Variants in ACACB observed in about 807,000 individuals in gnomAD.
The protein encoded by ACACB is acetyl-CoA carboxylase beta.
In ACACB, 209 loss-of-function variants were observed where a neutral mutation model predicts 278.8. That is an observed-to-expected ratio of 0.75 (90% CI 0.67 to 0.84). ACACB has a LOEUF of 0.84. Ranked by LOEUF, ACACB falls within the 40% of genes least tolerant of loss-of-function variation. The probability of loss-of-function intolerance (pLI) is 0.00; values close to 1 mark genes in which losing one functional copy is unlikely to be tolerated. For synonymous variants in ACACB, 1,174 were observed against 1,285.6 expected (o/e 0.91, Z 1.86); for missense variants, 2,850 against 3,269.0 (o/e 0.87, Z 3.13).
rs745795046 is a variant in ACACB at position 109,264,405 on chromosome 12, G to T, written c.6942+19G>T. 1.1e-5 allele frequency: 17 copies of T among 1,612,544 alleles called. No individual in the cohort carries two copies. The highest frequency in any genetic ancestry group is 1.4e-5 in the Non-Finnish European group (17 of 1,179,154). On this transcript the variant is annotated intron_variant, in intron 50 of 52. Transcript: ENST00000338432. ...CATATCTGTGAGAGCCACAGCTGCC[G>T]TGTAGGGTGCAAAGAGCCCACCCTG...
intron 2 of ACACB, among the ~76,000 whole-genome samples, chr12:109,142,898 C>T (rs1280665306): frequency 6.6e-6 from 1 of 152,114 alleles, no homozygotes; most frequent in African/African-American, 2.4e-5. Context: ...GAAAATGAAA[C>T]CAAAATGTTG....
At chr12:109,226,704 A>T (rs1252977132) in intron 27 of ACACB, among the ~76,000 whole-genome samples, 1 of 151,172 alleles carries the variant, frequency 6.6e-6, no homozygotes, top group East Asian at 1.9e-4. Context: ...CATCTCAAAA[A>T]AAAAAAAAAA....
chr12:109,241,407 G>A (rs925329855), intron 36 of ACACB, 126 bp downstream of exon 36: 1 of 946,576 alleles, frequency 1.1e-6, no homozygotes, highest in African/African-American at 1.6e-5. Flanking sequence ...ATTCTGGGTT[G>A]GGGTAGCCCC....
chr12:109,137,157 T>C (rs2042984368), intron 1 of ACACB, among the ~76,000 whole-genome samples: 3 of 152,156 alleles, frequency 2.0e-5, no homozygotes, highest in African/African-American at 7.2e-5. Context: ...TGAGCCACCC[T>C]TGACTGACTT....
At position 109,191,679 on chromosome 12, in the gene ACACB, C is replaced by G. The variant is rs2044889318; in HGVS notation, c.2211C>G (p.Leu737=). 18 of 1,613,956 alleles carry G rather than the reference C, an allele frequency of 1.1e-5. No individual in the cohort carries two copies. Among genetic ancestry groups the G allele is most frequent in the Non-Finnish European group, 1.4e-5 (16 of 1,179,894 alleles). The change falls in exon 14 of 53, where the codon CTC becomes CTG. Residue 737 remains leucine, a synonymous_variant. Transcript: ENST00000338432. ...RGDFRTTVEY[L]INLLETESFQ... ...ACTTTAGGACTACCGTGGAATACCTCATTAACCTCCTGGAGACCGAGAGCT... is the reference window on the plus strand; with the variant it reads ...ACTTTAGGACTACCGTGGAATACCTGATTAACCTCCTGGAGACCGAGAGCT...
intron 10 of ACACB, 133 bp downstream of exon 10, chr12:109,179,430 G>C (rs1295515746): frequency 2.2e-6 from 2 of 898,744 alleles, no homozygotes; most frequent in African/African-American, 3.3e-5. Context: ...GCCCATTCCA[G>C]AGGTGATTTC....
intron 2 of ACACB, among the ~76,000 whole-genome samples, chr12:109,153,311 T>C (rs1166683865): frequency 6.6e-6 from 1 of 152,196 alleles, no homozygotes; most frequent in East Asian, 1.9e-4. Context: ...TCTGATACAT[T>C]ATATTTTTAC....
chr12:109,255,561 A>T (rs567297613), intron 44 of ACACB, among the ~76,000 whole-genome samples: 9 of 152,336 alleles, frequency 5.9e-5, no homozygotes, highest in African/African-American at 2.2e-4. Context: ...CATGCCTGAG[A>T]TGCCTCTTAC....
At chr12:109,236,611 C>T (rs1045721269) in intron 33 of ACACB, among the ~76,000 whole-genome samples, 3 of 152,188 alleles carry the variant, frequency 2.0e-5, no homozygotes, top group African/African-American at 4.8e-5. Context: ...AAACGTTTAC[C>T]GATCCCTGTT....
At chr12:109,251,811 G>A (rs2136757604) in intron 41 of ACACB, among the ~76,000 whole-genome samples, 1 of 152,300 alleles carries the variant, frequency 6.6e-6, no homozygotes, top group Middle Eastern at 3.4e-3. Flanking sequence ...ACTGTCTGCT[G>A]CTTGTCTTTA....
At chr12:109,145,868 G>T (rs1255679206) in intron 2 of ACACB, among the ~76,000 whole-genome samples, 1 of 151,832 alleles carries the variant, frequency 6.6e-6, no homozygotes, top group Non-Finnish European at 1.5e-5. Context: ...AATTAGCTGG[G>T]CGTGGTGGCA....
intron 43 of ACACB, 71 bp downstream of exon 43, chr12:109,253,229 T>A (rs913952639): frequency 1.4e-6 from 2 of 1,429,764 alleles, no homozygotes; most frequent in Admixed American, 2.3e-5. Context: ...TCTGTCCCTG[T>A]CACCTCCTGG....
In ACACB at chr12:109,139,811, T is replaced by G. The variant is rs1254232341; in HGVS notation, c.406T>G (p.Ser136Ala). ...EATDTNGLSS[S>A]ARPQGQQAGS... ...CACAGATACCAATGGCCTGTCCTCC[T>G]CAGCCAGGCCCCAGGGCCAGCAAGC... Residue 136 changes from serine to alanine, a missense_variant, in exon 2 of 53, where the codon TCA (serine) becomes GCA (alanine). Physicochemically the swap from Ser to Ala is moderately conservative, Grantham distance 99. Coordinates refer to ENST00000338432, the MANE Select transcript of ACACB (RefSeq NM_001093.4). 1 of 1,614,154 alleles carries G rather than the reference T, an allele frequency of 6.2e-7. No homozygotes were observed. Among genetic ancestry groups the G allele is most frequent in the South Asian group, 1.1e-5 (1 of 91,084 alleles).
intron 17 of ACACB, 132 bp from the exon 18 acceptor site, chr12:109,199,270 A>G: frequency 1.9e-5 from 13 of 691,464 alleles, no homozygotes; most frequent in Non-Finnish European, 2.6e-5. Context: ...ATAACTATCA[A>G]CTGCCACCCT....
intron 11 of ACACB, among the ~76,000 whole-genome samples, chr12:109,181,807 T>C (rs181149552): frequency 1.3e-5 from 2 of 151,070 alleles, no homozygotes; most frequent in Non-Finnish European, 3.0e-5. Context: ...ACGTCCTTGC[T>C]AGCACTTCTT....
At chr12:109,112,688 C>CAA (rs57131257), upstream of ACACB, among the ~76,000 whole-genome samples, 107 of 103,258 alleles carry the variant, frequency 1.0e-3, no homozygotes, top group African/African-American at 2.5e-3. Context: ...AACTCCGTCT[C>CAA]AAAAAAAAAA....
At position 109,223,937 on chromosome 12, in the gene ACACB, C is replaced by A. The variant is rs762114173; in HGVS notation, c.3882+33C>A. On this transcript the variant is annotated intron_variant, in intron 27 of 52. Transcript: ENST00000338432. ...GGAGAGGCCCAGAGAACAGCACTGACCATGCCAGTTCTAGTGTTCACTGCC... is the reference window on the plus strand; with the variant it reads ...GGAGAGGCCCAGAGAACAGCACTGAACATGCCAGTTCTAGTGTTCACTGCC... 9 of 1,571,060 alleles carry A rather than the reference C, an allele frequency of 5.7e-6. No individual in the cohort carries two copies. In the South Asian group the frequency reaches 1.0e-4, roughly 17 times the overall value.
intron 29 of ACACB, 86 bp from the exon 30 acceptor site, chr12:109,233,662 C>A: frequency 8.9e-7 from 1 of 1,123,438 alleles, no homozygotes. Flanking sequence ...GAGGGTCTGG[C>A]GTTCCCTGCT....
intron 2 of ACACB, among the ~76,000 whole-genome samples, chr12:109,154,030 G>T (rs1268312607): frequency 6.6e-6 from 1 of 152,214 alleles, no homozygotes; most frequent in African/African-American, 2.4e-5. Flanking sequence ...CAGATAACAT[G>T]CATCTCTGGG....
Sources: gnomAD v4.1 joint callset for allele counts (sites outside exome capture counted in the v4.1 genomes callset) on GRCh38, gnomAD v4.1.1 for gene constraint, MANE v1.5 for transcripts, NCBI Gene and HGNC (gene_info 2026-07-23, HGNC 2026-07-21) for gene names.